The following GLYR1 variants were observed in gnomAD, a reference collection of about 807,000 sequenced individuals.
The protein encoded by GLYR1 is cytokine-like nuclear factor N-PAC.
GLYR1 carries 21 observed loss-of-function variants against 72.7 expected under a neutral mutation model. The ratio of observed to expected loss-of-function variants is 0.29; its 90% confidence interval spans 0.20 to 0.42. The LOEUF is 0.42. Ranked by LOEUF, GLYR1 falls within the 10% of genes least tolerant of loss-of-function variation. The probability of loss-of-function intolerance (pLI) is 1.00; values close to 1 mark genes in which losing one functional copy is unlikely to be tolerated. For missense variants in GLYR1, 594 were observed against 712.1 expected, an observed-to-expected ratio of 0.83 and a Z score of 1.89; for synonymous variants, 392 against 270.2, an observed-to-expected ratio of 1.45 and a Z score of -4.42.
intron 4 of GLYR1, 38 bp downstream of exon 4, chr16:4,832,736 G>T: frequency 1.3e-6 from 2 of 1,573,754 alleles, no homozygotes; most frequent in Non-Finnish European, 1.7e-6. Flanking sequence ...AAAATCACCA[G>T]TCTGGCATTG....
rs748618550 is a variant in GLYR1, at chr16:4,811,209, C to T, written c.1548G>A (p.Ala516=). The T allele has an allele frequency of 1.6e-5, 26 of 1,613,980 alleles. No individual in the cohort carries two copies. Among genetic ancestry groups the T allele is most frequent in the South Asian group, 4.4e-5 (4 of 91,080 alleles). Residue 516 remains alanine (A), a synonymous_variant, in exon 15 of 16, where the codon GCG becomes GCA. Coordinates refer to ENST00000321919, the MANE Select transcript of GLYR1 (RefSeq NM_032569.4). ...CTGCCATGGGAGTCGGATGGTTGAC[C>T]GCATCACCCAGCGCAATGGCTAAGC... ...DLRLAIALGD[A]VNHPTPMAAA... is the part of the protein sequence containing the mutation.
chr16:4,805,913 G>A (rs1046272204), intron 15 of GLYR1, among the ~76,000 whole-genome samples: 23 of 152,068 alleles, frequency 1.5e-4, no homozygotes, highest in African/African-American at 4.1e-4. Flanking sequence ...CCTGGGAGGC[G>A]GAGGTTGCAG....
chr16:4,845,279 TA>T, intron 2 of GLYR1, 126 bp from the exon 3 acceptor site: 1 of 643,346 alleles, frequency 1.6e-6, no homozygotes, highest in Non-Finnish European at 2.8e-6. Context: ...TACTTACAAA[TA>T]AATTTATTTA....
intron 9 of GLYR1, among the ~76,000 whole-genome samples, chr16:4,819,506 T>G (rs1050473122): frequency 1.3e-5 from 2 of 152,120 alleles, no homozygotes; most frequent in African/African-American, 4.8e-5. Context: ...AGACGGGGTC[T>G]TGCTGTATTT....
chr16:4,824,740 CCTT>C (rs1265623103), intron 5 of GLYR1, among the ~76,000 whole-genome samples: 3 of 152,090 alleles, frequency 2.0e-5, no homozygotes, highest in Non-Finnish European at 4.4e-5. Flanking sequence ...GCCCGGCTCA[CCTT>C]CTTCCTGGGC....
At chr16:4,845,274 A>C (rs2085920701) in intron 2 of GLYR1, 121 bp from the exon 3 acceptor site, 2 of 667,566 alleles carry the variant, frequency 3.0e-6, no homozygotes, top group Non-Finnish European at 5.3e-6. Context: ...GGACTTACTT[A>C]CAAATAAATT....
At chr16:4,837,347 C>T (rs1342091512) in intron 3 of GLYR1, among the ~76,000 whole-genome samples, 11 of 151,768 alleles carry the variant, frequency 7.2e-5, no homozygotes, top group Non-Finnish European at 2.9e-5. Context: ...GCAGGAACTG[C>T]TTGAACCCGG....
At chr16:4,812,334 C>G (rs1451920873) in intron 12 of GLYR1, 86 bp from the exon 13 acceptor site, 1 of 1,415,930 alleles carries the variant, frequency 7.1e-7, no homozygotes, top group Non-Finnish European at 9.5e-7. Flanking sequence ...TGAGTGGCCA[C>G]GGCTGCTCAT....
At chr16:4,822,820 G>A in intron 7 of GLYR1, 55 bp downstream of exon 7, 1 of 1,432,608 alleles carries the variant, frequency 7.0e-7, no homozygotes, top group Non-Finnish European at 9.9e-7. Context: ...CCCAGTGGAG[G>A]AGCACTCCTT....
In GLYR1 at chr16:4,804,804, T is replaced by A. The variant is rs560980591; in HGVS notation, c.*432A>T. ...ACAGCCTCTTCGCTCTGGGGGAAGC[T>A]GTGGGAAGGCTTCCAACTCTCGTTG... is the stretch of plus-strand genomic sequence containing the variant. On this transcript the variant is annotated 3_prime_UTR_variant, in exon 16 of 16. Transcript: ENST00000321919. The A allele has an allele frequency of 4.9e-6, 1 of 202,918 alleles. No homozygotes were observed. The highest frequency in any genetic ancestry group is 1.0e-5 in the Non-Finnish European group (1 of 96,386). The allele number at this position is 202,918 out of a possible 1,614,324, so 12.6% of individuals were successfully genotyped here.
chr16:4,805,204 G>GT lies in GLYR1; in HGVS notation c.*31_*32insA, dbSNP rs760784507. ...GTGAGGAAGAGGGGGTCAGAGGGGG[G>GT]ATTGGAGGGGTGAGGGCGGGGTGTC... On this transcript the variant is annotated 3_prime_UTR_variant, in exon 16 of 16. Transcript: ENST00000321919. The GT allele has an allele frequency of 1.2e-5, 19 of 1,595,382 alleles. No homozygotes were observed. Among genetic ancestry groups the GT allele is most frequent in the Middle Eastern group, 1.7e-4 (1 of 6,028 alleles).
chr16:4,835,636 G>C (rs937887041), intron 3 of GLYR1, among the ~76,000 whole-genome samples: 1 of 152,146 alleles, frequency 6.6e-6, no homozygotes, highest in African/African-American at 2.4e-5. Context: ...TTTGAGACCA[G>C]CCTGGCCAAC....
At chr16:4,840,699 G>T (rs947153887) in intron 3 of GLYR1, among the ~76,000 whole-genome samples, 11 of 152,178 alleles carry the variant, frequency 7.2e-5, no homozygotes, top group African/African-American at 2.4e-4. Flanking sequence ...GAGGTAGGGG[G>T]TATCATCCCC....
intron 10 of GLYR1, among the ~76,000 whole-genome samples, chr16:4,816,857 C>T (rs558476927): frequency 2.0e-4 from 30 of 151,780 alleles, no homozygotes; most frequent in Admixed American, 1.1e-3. Flanking sequence ...TGTGGTGGCG[C>T]GCGCCTGTAA....
At chr16:4,823,074 A>G (rs2084144750) in intron 6 of GLYR1, 143 bp from the exon 7 acceptor site, 4 of 734,414 alleles carry the variant, frequency 5.4e-6, no homozygotes, top group Middle Eastern at 2.5e-4. Flanking sequence ...CTCTTTTCCC[A>G]TTTTGGCCTA....
intron 14 of GLYR1, 118 bp from the exon 15 acceptor site, chr16:4,811,412 G>C (rs559835096): frequency 7.2e-7 from 1 of 1,389,820 alleles, no homozygotes; most frequent in East Asian, 2.3e-5. Context: ...CATAGCCTAG[G>C]CCTCTTGGCT....
chr16:4,806,900 G>A (rs376110646), intron 15 of GLYR1, among the ~76,000 whole-genome samples: 6 of 147,072 alleles, frequency 4.1e-5, no homozygotes, highest in Non-Finnish European at 7.4e-5. Flanking sequence ...TCTGCCTCCC[G>A]GGTTCACGCC....
chr16:4,835,569 A>G (rs2085076403), intron 3 of GLYR1, among the ~76,000 whole-genome samples: 1 of 152,188 alleles, frequency 6.6e-6, no homozygotes, highest in African/African-American at 2.4e-5. Flanking sequence ...GGTGGCTCAC[A>G]CCTGTAATCC....
Position 4,847,274 on chromosome 16 carries a change from C to T in GLYR1, c.-9G>A, listed in dbSNP as rs1268119838. 1 of 1,610,160 alleles carries T rather than the reference C, an allele frequency of 6.2e-7. No individual in the cohort carries two copies. Among genetic ancestry groups the T allele is most frequent in the Non-Finnish European group, 8.5e-7 (1 of 1,178,994 alleles). On this transcript the variant is annotated 5_prime_UTR_variant, in exon 1 of 16. Coordinates refer to ENST00000321919, the MANE Select transcript of GLYR1 (RefSeq NM_032569.4). ...AGACTCACAGCCGCCATCTTACCAC[C>T]CAACCACCGCCGACGCACGGGCCGC...
Sources: allele counts gnomAD v4.1 joint callset (sites outside exome capture counted in the v4.1 genomes callset), GRCh38; gene constraint gnomAD v4.1.1; transcripts MANE v1.5; gene names NCBI Gene and HGNC (gene_info 2026-07-23, HGNC 2026-07-21).